Variants in UPP1 observed in about 807,000 individuals in gnomAD.
The protein encoded by UPP1 is UPase 1.
A neutral mutation model predicts 29.6 loss-of-function variants in UPP1; 25 were observed. The observed-to-expected ratio is 0.85, with a 90% CI of 0.62 to 1.18. The LOEUF (loss-of-function observed/expected upper bound fraction) is 1.18, where lower values mean the gene tolerates loss of function less well. Among genes scored for constraint, UPP1 ranks in the 50% most tolerant of loss-of-function variants. The pLI is 0.00. For missense variants in UPP1, 368 were observed against 410.4 expected (o/e 0.90, Z 0.89); for synonymous variants, 165 against 159.8 (o/e 1.03, Z -0.25).
intron 2 of UPP1, among the ~76,000 whole-genome samples, chr7:48,092,752 G>GATCC (rs2128808409): frequency 6.6e-6 from 1 of 151,508 alleles, no homozygotes; most frequent in Non-Finnish European, 1.5e-5. Context: ...ACCCAGGCTG[G>GATCC]AGTGCAGTGG....
intron 2 of UPP1, among the ~76,000 whole-genome samples, chr7:48,091,000 A>G (rs1791798845): frequency 6.6e-6 from 1 of 152,178 alleles, no homozygotes; most frequent in Non-Finnish European, 1.5e-5. Context: ...TACTGATCTT[A>G]AAATTAACGC....
At chr7:48,097,388 C>T (rs1031693269) in intron 3 of UPP1, among the ~76,000 whole-genome samples, 1 of 152,114 alleles carries the variant, frequency 6.6e-6, no homozygotes, top group East Asian at 1.9e-4. Flanking sequence ...TGCATGCCAC[C>T]ATGCCTGGCT....
Position 48,108,219 on chromosome 7 carries a change from G to C in UPP1, c.795G>C (p.Ala265=), listed in dbSNP as rs746789989. 1.2e-5 allele frequency: 19 copies of C among 1,612,052 alleles called. No homozygotes were observed. Among genetic ancestry groups the C allele is most frequent in the Non-Finnish European group, 1.4e-5 (16 of 1,179,284 alleles). Residue 265 remains alanine, a splice_region_variant and synonymous_variant, in exon 9 of 9, where the codon GCG becomes GCC. Transcript: ENST00000395564. ...AAMCSACGLQ[A]AVVCVTLLNR... Reference sequence around the variant, plus strand: ...TGATGTGGTCTTTGTCCTTTGCAGCGGCCGTGGTGTGTGTCACCCTCCTGA... The same window carrying C: ...TGATGTGGTCTTTGTCCTTTGCAGCCGCCGTGGTGTGTGTCACCCTCCTGA...
In UPP1 at chr7:48,103,747, C is replaced by A. The variant is rs755587449; in HGVS notation, c.436+336C>A. 11 of 1,294,226 alleles carry A rather than the reference C, an allele frequency of 8.5e-6. No individual in the cohort carries two copies. The Admixed American group carries it at 1.2e-4, about 14-fold the overall frequency. 80.2% of individuals were successfully genotyped at this position (1,294,226 alleles called of 1,614,324 possible). On this transcript the variant is annotated intron_variant, in intron 6 of 8. Transcript: ENST00000395564. ...CCCCTTCTTCTCCATTCTCTCCTTT[C>A]CTTTGCTTACTTTTCCTCCTCCCTA...
Position 48,099,805 on chromosome 7 carries a change from G to A in UPP1, c.162+18G>A. 6.4e-7 allele frequency: 1 copy of A among 1,554,040 alleles called. No individual in the cohort carries two copies. The highest frequency in any genetic ancestry group is 8.9e-7 in the Non-Finnish European group (1 of 1,125,674). ...ATGTGAAGGTAAGAGGCCAGGTGTTGACACCTTGGAATTTGCCTTAAGATC... is the reference window on the plus strand; with the variant it reads ...ATGTGAAGGTAAGAGGCCAGGTGTTAACACCTTGGAATTTGCCTTAAGATC... On this transcript the variant is annotated intron_variant, in intron 4 of 8. Coordinates refer to ENST00000395564, the MANE Select transcript of UPP1 (RefSeq NM_003364.4).
At chr7:48,093,492 G>A (rs1791957512) in intron 2 of UPP1, among the ~76,000 whole-genome samples, 2 of 152,190 alleles carry the variant, frequency 1.3e-5, no homozygotes, top group Admixed American at 1.3e-4. Flanking sequence ...TGCCCACTCT[G>A]CAAGGCTTTC....
intron 5 of UPP1, 95 bp downstream of exon 5, chr7:48,102,077 C>T (rs2128813905): frequency 7.2e-7 from 1 of 1,387,622 alleles, no homozygotes; most frequent in Non-Finnish European, 9.8e-7. Context: ...CCCCTAACAC[C>T]TGCTTACTGT....
At position 48,089,331 on chromosome 7, in the gene UPP1, G is replaced by GTA. The variant is rs927967846; in HGVS notation, c.-285_-284insAT. 1 of 152,342 alleles carries GTA rather than the reference G, an allele frequency of 6.6e-6. No individual in the cohort carries two copies. Among genetic ancestry groups the GTA allele is most frequent in the African/African-American group, 2.4e-5 (1 of 41,474 alleles). 9.4% of individuals were successfully genotyped at this position (152,342 alleles called of 1,614,324 possible). On this transcript the variant is annotated 5_prime_UTR_variant, in exon 1 of 9. Transcript: ENST00000395564. The stretch of plus-strand genomic sequence containing the variant: ...CGAGCCTCCCGAGAGCCGTCCCTTC[G>GTA]TCCGGCCCTGGAGCATTGCGTTTGT...
intron 6 of UPP1, 75 bp downstream of exon 6, chr7:48,103,486 G>C: frequency 7.7e-7 from 1 of 1,292,162 alleles, no homozygotes; most frequent in Non-Finnish European, 1.1e-6. Flanking sequence ...CTTCTACATG[G>C]TGTGGCATTA....
chr7:48,091,922 G>A (rs1226485066), intron 2 of UPP1, among the ~76,000 whole-genome samples: 1 of 152,202 alleles, frequency 6.6e-6, no homozygotes, highest in Non-Finnish European at 1.5e-5. Flanking sequence ...AACCTAGAGA[G>A]AAACATCCTT....
intron 3 of UPP1, among the ~76,000 whole-genome samples, chr7:48,096,949 C>T (rs1792159063): frequency 1.3e-5 from 2 of 151,886 alleles, no homozygotes; most frequent in Non-Finnish European, 2.9e-5. Flanking sequence ...ATCTGCCCGC[C>T]TCAGCCTCCC....
chr7:48,107,259 G>A, intron 7 of UPP1, 102 bp from the exon 8 acceptor site: 1 of 1,457,670 alleles, frequency 6.9e-7, no homozygotes, highest in Non-Finnish European at 9.4e-7. Flanking sequence ...GGACCTGGAT[G>A]GGTCTTGCTT....
chr7:48,100,079 A>G (rs1429330512), intron 4 of UPP1, among the ~76,000 whole-genome samples: 1 of 152,212 alleles, frequency 6.6e-6, no homozygotes, highest in East Asian at 1.9e-4. Context: ...TAGGTATTTC[A>G]TCATTGTGTG....
chr7:48,106,238 T>G (rs1227652294), intron 6 of UPP1: 2 of 155,366 alleles, frequency 1.3e-5, no homozygotes, highest in African/African-American at 4.8e-5. Context: ...CAGACAACAG[T>G]GGGAAATCGC....
In UPP1 at chr7:48,107,132, C is replaced by T. The variant is rs779844136; in HGVS notation, c.646+50C>T. On this transcript the variant is annotated intron_variant, in intron 7 of 8. Coordinates refer to ENST00000395564, the MANE Select transcript of UPP1 (RefSeq NM_003364.4). ...ATCTTTCAGCCAGGGAACCCTGGTC[C>T]GTCCCCTGAGCCTGCCTTCTCGCTG... The T allele has an allele frequency of 4.7e-5, 75 of 1,592,800 alleles. 1 individual carries two copies. The highest frequency in any genetic ancestry group is 2.7e-4 in the Admixed American group (16 of 59,510).
intron 3 of UPP1, among the ~76,000 whole-genome samples, chr7:48,097,197 G>A (rs1332874751): frequency 1.3e-5 from 2 of 152,062 alleles, no homozygotes; most frequent in African/African-American, 4.8e-5. Context: ...GGCATCTACT[G>A]GTTCATTATG....
At chr7:48,107,914 C>T (rs916345052) in intron 8 of UPP1, among the ~76,000 whole-genome samples, 1 of 152,196 alleles carries the variant, frequency 6.6e-6, no homozygotes, top group East Asian at 1.9e-4. Context: ...CAAAACGTGC[C>T]TTTCAAGGTG....
At chr7:48,090,630 T>C (rs1791775199) in intron 2 of UPP1, among the ~76,000 whole-genome samples, 1 of 152,218 alleles carries the variant, frequency 6.6e-6, no homozygotes, top group Admixed American at 6.5e-5. Flanking sequence ...TGTGACTTCC[T>C]TGAATAGAAA....
In UPP1 at chr7:48,090,179, A is replaced by G. The variant is rs1441698061; in HGVS notation, c.-198-9A>G. 2 of 152,084 alleles carry G rather than the reference A, an allele frequency of 1.3e-5. No homozygotes were observed. The highest frequency in any genetic ancestry group is 2.9e-5 in the Non-Finnish European group (2 of 68,020). The allele number at this position is 152,084 out of a possible 1,614,324, so 9.4% of individuals were successfully genotyped here. A position where few individuals can be genotyped will look rare whatever the true frequency, so the allele number is the denominator to read the frequency against. On this transcript the variant is annotated splice_polypyrimidine_tract_variant and intron_variant, in intron 1 of 8. Coordinates refer to ENST00000395564, the MANE Select transcript of UPP1 (RefSeq NM_003364.4). ...CTTTTATATGGCAACCTGTTCTTGG[A>G]CCTGGCAGGGCCCAGAGAAGCGAGG...
Sources: allele counts gnomAD v4.1 joint callset (sites outside exome capture counted in the v4.1 genomes callset), GRCh38; gene constraint gnomAD v4.1.1; transcripts MANE v1.5; gene names NCBI Gene and HGNC (gene_info 2026-07-23, HGNC 2026-07-21).